The following EPHA1 variants were observed in gnomAD, a reference collection of about 807,000 sequenced individuals.
EPHA1 encodes the protein ephrin type-A receptor 1.
EPHA1 carries 92 observed loss-of-function variants against 110.1 expected under a neutral mutation model. That is an observed-to-expected ratio of 0.84 (90% CI 0.71 to 0.99). The LOEUF (loss-of-function observed/expected upper bound fraction) is 0.99. Ranked by LOEUF, EPHA1 falls within the 50% of genes least tolerant of loss-of-function variation. The pLI is 0.00. For synonymous variants in EPHA1, 500 were observed against 516.1 expected (o/e 0.97, Z 0.42); for missense variants, 1,204 against 1,285.4 (o/e 0.94, Z 0.97).
At chr7:143,407,884 A>T (rs1300061940) in intron 1 of EPHA1, 1 of 419,722 alleles carries the variant, frequency 2.4e-6, no homozygotes, top group Non-Finnish European at 4.2e-6. Flanking sequence ...TGTGTGAAGG[A>T]AGGCAGGTAG....
chr7:143,399,231 T>C (rs376190270), intron 5 of EPHA1, 27 bp downstream of exon 5: 10 of 1,597,840 alleles, frequency 6.3e-6, no homozygotes, highest in Non-Finnish European at 8.5e-6. Context: ...TCCCTCCAGA[T>C]GGCCACGCCC....
chr7:143,401,216 G>A lies in EPHA1; in HGVS notation c.432+108C>T. On this transcript the variant is annotated intron_variant, in intron 3 of 17. Coordinates refer to ENST00000275815, the MANE Select transcript of EPHA1 (RefSeq NM_005232.5). The surrounding 1 kb of genome is among the most constrained non-coding windows in gnomAD (Gnocchi z 4.1). Reference sequence around the variant, plus strand: ...CCTTCAAGCGCCAAATTCTTTTCAAGATTCTACCTCTGCACCCTCTTCCTG... The same window carrying A: ...CCTTCAAGCGCCAAATTCTTTTCAAAATTCTACCTCTGCACCCTCTTCCTG... 3 of 1,422,152 alleles carry A rather than the reference G, an allele frequency of 2.1e-6. No homozygotes were observed. The highest frequency in any genetic ancestry group is 2.8e-6 in the Non-Finnish European group (3 of 1,057,526). The allele number at this position is 1,422,152 out of a possible 1,614,324, so 88.1% of individuals were successfully genotyped here. A position where few individuals can be genotyped will look rare whatever the true frequency, so the allele number is the denominator to read the frequency against.
rs763711453 is a variant in EPHA1, at chr7:143,393,870, C to A, written c.2503-6G>T. The stretch of plus-strand genomic sequence containing the variant: ...TCCTCAATGCTCTTCATAACCTGCA[C>A]GGCGGGACAGGAGGATGCTCTAGAG... On this transcript the variant is annotated splice_polypyrimidine_tract_variant and splice_region_variant and intron_variant, in intron 15 of 17. Transcript: ENST00000275815. The surrounding 1 kb of genome is among the most constrained non-coding windows in gnomAD (Gnocchi z 5.6). 6.5e-7 allele frequency: 1 copy of A among 1,539,674 alleles called. No homozygotes were observed. Among genetic ancestry groups the A allele is most frequent in the African/African-American group, 1.4e-5 (1 of 72,772 alleles).
rs1483335998 is a variant in EPHA1 at position 143,393,741 on chromosome 7, G to A, written c.2626C>T (p.Leu876Phe). The A allele has an allele frequency of 6.2e-7, 1 of 1,613,986 alleles. No homozygotes were observed. Among genetic ancestry groups the A allele is most frequent in the Non-Finnish European group, 8.5e-7 (1 of 1,179,956 alleles). ...AGCAGTTGCTCCAGATGTGCCTGAAGCTTCTGGAAGTGTGGCCGGCGGGCA... is the reference window on the plus strand; with the variant it reads ...AGCAGTTGCTCCAGATGTGCCTGAAACTTCTGGAAGTGTGGCCGGCGGGCA... ...DRARRPHFQK[L>F]QAHLEQLLAN... Residue 876 changes from leucine (L) to phenylalanine (F), a missense_variant, in exon 16 of 18, where the codon CTT (leucine) becomes TTT (phenylalanine). By Grantham distance (22) the Leu-to-Phe change is conservative (BLOSUM62 0). Transcript: ENST00000275815. The surrounding 1 kb of genome is among the most constrained non-coding windows in gnomAD (Gnocchi z 5.6).
rs1385637280 is a variant in EPHA1 at position 143,391,346 on chromosome 7, C to CG, written c.*110dup. The CG allele has an allele frequency of 2.0e-5, 26 of 1,321,728 alleles. No homozygotes were observed. In the Admixed American group the frequency reaches 5.3e-4, roughly 27 times the overall value. 81.9% of individuals were successfully genotyped at this position (1,321,728 alleles called of 1,614,324 possible). On this transcript the variant is annotated 3_prime_UTR_variant, in exon 18 of 18. Coordinates refer to ENST00000275815, the MANE Select transcript of EPHA1 (RefSeq NM_005232.5). ...TCCTGAAAGTGGGCAGAAGCAGCAC[C>CG]GATAGCCTAGTCTGGCAGGTTGTGG...
At chr7:143,402,058 C>T (rs2116632791) in intron 2 of EPHA1, among the ~76,000 whole-genome samples, 1 of 151,866 alleles carries the variant, frequency 6.6e-6, no homozygotes, top group South Asian at 2.1e-4. Context: ...GCTGGGACTA[C>T]AGGTGCCTGC....
chr7:143,391,879 C>A, intron 16 of EPHA1, 104 bp from the exon 17 acceptor site: 1 of 1,526,468 alleles, frequency 6.6e-7, no homozygotes, highest in African/African-American at 1.4e-5. Flanking sequence ...TGTCTGGGCA[C>A]AGAGATCATC....
At chr7:143,398,975 G>T in intron 5 of EPHA1, 30 bp from the exon 6 acceptor site, 2 of 1,537,900 alleles carry the variant, frequency 1.3e-6, no homozygotes, top group Non-Finnish European at 1.8e-6. Context: ...ATCAGTAGAA[G>T]CCGACCTCGC....
At chr7:143,396,297 A>G (rs1805242466) in intron 11 of EPHA1, 88 bp downstream of exon 11, 8 of 1,512,314 alleles carry the variant, frequency 5.3e-6, no homozygotes, top group Non-Finnish European at 7.1e-6. Flanking sequence ...TGGGCTGCCC[A>G]GGGAAGCGCT....
At position 143,397,225 on chromosome 7, in the gene EPHA1, G is replaced by A. The variant is rs889157136; in HGVS notation, c.1771+79C>T. 124 of 1,468,232 alleles carry A rather than the reference G, an allele frequency of 8.4e-5. No individual in the cohort carries two copies. In the African/African-American group the frequency reaches 1.6e-3, roughly 18 times the overall value. 91.0% of individuals were successfully genotyped at this position (1,468,232 alleles called of 1,614,324 possible). On this transcript the variant is annotated intron_variant, in intron 10 of 17. Transcript: ENST00000275815. Reference sequence around the variant, plus strand: ...TGTGTCCCTTGATCCCTTCCCAGTGGCATCTCCCAACACACACACACACGC... The same window carrying A: ...TGTGTCCCTTGATCCCTTCCCAGTGACATCTCCCAACACACACACACACGC...
chr7:143,406,975 A>G (rs1805567628), intron 2 of EPHA1, among the ~76,000 whole-genome samples: 1 of 152,240 alleles, frequency 6.6e-6, no homozygotes, highest in African/African-American at 2.4e-5. Context: ...ACTTTCAAAC[A>G]GCTGGAATGC....
chr7:143,392,305 C>A (rs1005569878), intron 16 of EPHA1, among the ~76,000 whole-genome samples: 6 of 152,220 alleles, frequency 3.9e-5, no homozygotes, highest in African/African-American at 1.4e-4. Context: ...GAGCCAAAAA[C>A]CATTAGCAAA....
At chr7:143,397,174 T>C in intron 10 of EPHA1, 130 bp downstream of exon 10, 1 of 1,114,864 alleles carries the variant, frequency 9.0e-7, no homozygotes, top group Non-Finnish European at 1.3e-6. Context: ...AAACCCCACA[T>C]GTGCCCCCAG....
rs972251531 is a variant in EPHA1 at position 143,392,207 on chromosome 7, G to T, written c.2697-432C>A. ...AGTGGCTGCTTGAGTTCCGGGAGCA[G>T]TCCTTCCTCACCACCTTCAGCTTCG... On this transcript the variant is annotated intron_variant, in intron 16 of 17. Transcript: ENST00000275815. Among the ~76,000 whole-genome samples the T allele has an allele frequency of 9.2e-5, 14 of 152,322 alleles. No homozygotes were observed. The East Asian group carries it at 2.5e-3, about 27-fold the overall frequency.
intron 1 of EPHA1, 91 bp from the exon 2 acceptor site, chr7:143,407,769 C>A: frequency 1.2e-5 from 13 of 1,122,436 alleles, no homozygotes; most frequent in Non-Finnish European, 1.7e-5. Flanking sequence ...CAGCCCCAGG[C>A]TGCAACATCC....
At chr7:143,391,984 A>G (rs751280553) in intron 16 of EPHA1, among the ~76,000 whole-genome samples, 2 of 152,170 alleles carry the variant, frequency 1.3e-5, no homozygotes, top group Non-Finnish European at 2.9e-5. Flanking sequence ...CAGTCCTGCT[A>G]TGTCGACAGG....
chr7:143,404,782 C>T (rs1805500764), intron 2 of EPHA1, among the ~76,000 whole-genome samples: 1 of 152,124 alleles, frequency 6.6e-6, no homozygotes, highest in Non-Finnish European at 1.5e-5. Flanking sequence ...AAAAACTCTT[C>T]TCAACCATTC....
chr7:143,398,296 G>C, intron 7 of EPHA1, 25 bp downstream of exon 7: 1 of 1,613,266 alleles, frequency 6.2e-7, no homozygotes, highest in Non-Finnish European at 8.5e-7. Context: ...GGACACTGAA[G>C]ACCATCTCTC....
chr7:143,406,944 G>A (rs1805566510), intron 2 of EPHA1, among the ~76,000 whole-genome samples: 2 of 152,188 alleles, frequency 1.3e-5, no homozygotes, highest in South Asian at 4.1e-4. Flanking sequence ...AGGAAGGAAG[G>A]GAACTGGAAC....
Sources: allele counts gnomAD v4.1 joint callset (sites outside exome capture counted in the v4.1 genomes callset), GRCh38; gene constraint gnomAD v4.1.1; non-coding constraint Gnocchi (gnomAD v3.1); transcripts MANE v1.5; gene names NCBI Gene and HGNC (gene_info 2026-07-23, HGNC 2026-07-21).